FBXW4: variants seen among roughly 807,000 people sequenced by gnomAD.
The protein encoded by FBXW4 is F-box/WD repeat-containing protein 4.
FBXW4 carries 40 observed loss-of-function variants against 61.8 expected under a neutral mutation model. The ratio of observed to expected loss-of-function variants is 0.65; its 90% CI spans 0.50 to 0.84. FBXW4 has a LOEUF of 0.84. FBXW4 is among the 40% of genes least tolerant of loss of function. The pLI is 0.00. For synonymous variants in FBXW4, 311 were observed against 313.8 expected (o/e 0.99, Z 0.10); for missense variants, 672 against 753.8 (o/e 0.89, Z 1.27).
rs1325817990 is a variant in FBXW4, at chr10:101,667,376, C to G, written c.1235+510G>C. 2.0e-5 allele frequency among the ~76,000 whole-genome samples: 3 copies of G among 152,210 alleles called. No homozygotes were observed. In the East Asian group the frequency reaches 5.8e-4, roughly 29 times the overall value. The stretch of plus-strand genomic sequence containing the variant: ...TTTGCTACAATAATCAATGTTACTA[C>G]TTCACATACATGTCTTTGTTTGAGG... On this transcript the variant is annotated intron_variant, in intron 5 of 8. Transcript: ENST00000331272.
Position 101,694,250 on chromosome 10 carries a change from G to T in FBXW4, c.725+131C>A. ...AGAGTGCTCGGGAAAGGGTGTAGGC[G>T]GAGGTCAGGTGTAGGCCTAGAAACT... On this transcript the variant is annotated intron_variant, in intron 1 of 8. Coordinates refer to ENST00000331272, the MANE Select transcript of FBXW4 (RefSeq NM_022039.4). The surrounding 1 kb of genome is among the most constrained non-coding windows in gnomAD (Gnocchi z 6.0). 1 of 836,774 alleles carries T rather than the reference G, an allele frequency of 1.2e-6. No individual in the cohort carries two copies. Among genetic ancestry groups the T allele is most frequent in the Non-Finnish European group, 1.6e-6 (1 of 609,088 alleles). 51.8% of individuals were successfully genotyped at this position (836,774 alleles called of 1,614,324 possible). A position where few individuals can be genotyped will look rare whatever the true frequency, so the allele number is the denominator to read the frequency against.
intron 5 of FBXW4, among the ~76,000 whole-genome samples, chr10:101,636,342 A>G (rs1232544645): frequency 6.6e-6 from 1 of 151,472 alleles, no homozygotes; most frequent in Non-Finnish European, 1.5e-5. Flanking sequence ...TGGGTGAGAG[A>G]GCAAGACTCC....
chr10:101,681,641 C>T (rs962290286), intron 1 of FBXW4, among the ~76,000 whole-genome samples: 1 of 148,644 alleles, frequency 6.7e-6, no homozygotes, highest in Non-Finnish European at 1.5e-5. Flanking sequence ...GGCATGAACC[C>T]GGGAGGCAGC....
Position 101,611,807 on chromosome 10 carries a change from T to C in FBXW4, c.1443-38A>G. 1.9e-6 allele frequency: 3 copies of C among 1,598,422 alleles called. No individual in the cohort carries two copies. The highest frequency in any genetic ancestry group is 2.6e-6 in the Non-Finnish European group (3 of 1,170,288). On this transcript the variant is annotated intron_variant, in intron 7 of 8. Transcript: ENST00000331272. The surrounding 1 kb of genome is among the most constrained non-coding windows in gnomAD (Gnocchi z 4.9). ...AGGAGAAGCAGAGGGAGGTTTAGGG[T>C]ACCCTCCACCTCTACCCCAGCTTTC...
In FBXW4 at chr10:101,611,188, G is replaced by A; in HGVS notation, c.*103C>T. On this transcript the variant is annotated 3_prime_UTR_variant, in exon 9 of 9. Transcript: ENST00000331272. This position sits in a 1 kb window ranked among gnomAD's most constrained non-coding sequence, Gnocchi z 4.9. ...GAGCACTGGGGTCACAGGCCCAGGA[G>A]CACAGTGGGGCAGTGAGGAGGAGCT... The A allele has an allele frequency of 2.1e-6, 3 of 1,457,480 alleles. No individual in the cohort carries two copies. Among genetic ancestry groups the A allele is most frequent in the South Asian group, 1.3e-5 (1 of 75,516 alleles). 90.3% of individuals were successfully genotyped at this position (1,457,480 alleles called of 1,614,324 possible).
intron 2 of FBXW4, among the ~76,000 whole-genome samples, chr10:101,674,159 G>A (rs565521819): frequency 2.0e-5 from 3 of 151,778 alleles, no homozygotes; most frequent in Non-Finnish European, 4.4e-5. Context: ...ATAAAACCCC[G>A]TCTCTACTAA....
rs541927388 is a variant in FBXW4, at chr10:101,636,108, G to A, written c.1236-11298C>T. Among the ~76,000 whole-genome samples the A allele has an allele frequency of 5.3e-5, 8 of 152,198 alleles. No individual in the cohort carries two copies. In the East Asian group the frequency reaches 1.5e-3, roughly 29 times the overall value. On this transcript the variant is annotated intron_variant, in intron 5 of 8. Transcript: ENST00000331272. ...TTCACACCTGTAATCCCAGCATTTTGGGAGGCTGAGGTGGGCGGATCAGTT... is the reference window on the plus strand; with the variant it reads ...TTCACACCTGTAATCCCAGCATTTTAGGAGGCTGAGGTGGGCGGATCAGTT...
intron 4 of FBXW4, among the ~76,000 whole-genome samples, chr10:101,669,811 G>A (rs901343956): frequency 6.6e-6 from 1 of 150,590 alleles, no homozygotes; most frequent in Non-Finnish European, 1.5e-5. Context: ...CTGGAGTGCA[G>A]TGGCGCAATA....
intron 5 of FBXW4, among the ~76,000 whole-genome samples, chr10:101,632,047 G>A (rs1219468798): frequency 4.6e-5 from 7 of 152,164 alleles, no homozygotes; most frequent in Non-Finnish European, 1.0e-4. Flanking sequence ...CCATGGCCCT[G>A]GTACACCTTG....
intron 4 of FBXW4, among the ~76,000 whole-genome samples, chr10:101,669,800 G>A (rs2064341119): frequency 6.6e-6 from 1 of 151,470 alleles, no homozygotes; most frequent in Non-Finnish European, 1.5e-5. Context: ...TGTTGCCCAG[G>A]CTGGAGTGCA....
chr10:101,676,115 C>T (rs2064404947), intron 2 of FBXW4, among the ~76,000 whole-genome samples: 1 of 152,000 alleles, frequency 6.6e-6, no homozygotes, highest in African/African-American at 2.4e-5. Context: ...GCATTGATTT[C>T]TTTATAATCA....
At chr10:101,614,178 G>A (rs1164001793) in intron 6 of FBXW4, among the ~76,000 whole-genome samples, 2 of 152,228 alleles carry the variant, frequency 1.3e-5, no homozygotes, top group Non-Finnish European at 2.9e-5. Context: ...TCCAGATTTG[G>A]GGGCCCTGCC....
At chr10:101,622,342 C>T (rs767034899) in intron 6 of FBXW4, among the ~76,000 whole-genome samples, 21 of 152,142 alleles carry the variant, frequency 1.4e-4, no homozygotes, top group Middle Eastern at 6.8e-3. Flanking sequence ...AGACTTGACA[C>T]CAAAGGCACA....
intron 4 of FBXW4, among the ~76,000 whole-genome samples, chr10:101,668,319 T>C (rs1342639827): frequency 6.6e-6 from 1 of 152,226 alleles, no homozygotes; most frequent in Non-Finnish European, 1.5e-5. Context: ...TTTTGACAGC[T>C]TTCCTGTATT....
intron 1 of FBXW4, among the ~76,000 whole-genome samples, chr10:101,682,152 C>T (rs113293672): frequency 0.016 from 2,470 of 152,240 alleles, 65 homozygotes; most frequent in East Asian, 0.061. Context: ...TAATGTGACT[C>T]TAATAATCAT....
At chr10:101,648,401 C>T (rs2064118681) in intron 5 of FBXW4, among the ~76,000 whole-genome samples, 1 of 152,118 alleles carries the variant, frequency 6.6e-6, no homozygotes, top group Non-Finnish European at 1.5e-5. Flanking sequence ...CACTAAATAC[C>T]AGATGATTTG....
At chr10:101,646,210 A>G (rs1410287031) in intron 5 of FBXW4, among the ~76,000 whole-genome samples, 1 of 152,214 alleles carries the variant, frequency 6.6e-6, no homozygotes. Flanking sequence ...TCCCTATTCT[A>G]TTCTGTAGAC....
At chr10:101,620,601 T>C (rs970877916) in intron 6 of FBXW4, among the ~76,000 whole-genome samples, 1 of 152,248 alleles carries the variant, frequency 6.6e-6, no homozygotes, top group Non-Finnish European at 1.5e-5. Context: ...CTTCTCAGGC[T>C]CCAGGAAGAA....
rs748875807 is a variant in FBXW4 at position 101,612,425 on chromosome 10, G to C, written c.1354C>G (p.Leu452Val). Residue 452 changes from leucine to valine, a missense_variant, in exon 7 of 9, where the codon CTG (leucine) becomes GTG (valine). By Grantham distance (32) the Leu-to-Val change is conservative. Transcript: ENST00000331272. ...AAAGGGGACTCATACATGACATCCA[G>C]CACCCCAGCCCCTGGGGGAAAGTCA... ...GSDFPPGAGVLDVMYESPFTL... is the reference protein window; with the variant it reads ...GSDFPPGAGVVDVMYESPFTL... 3 of 1,597,668 alleles carry C rather than the reference G, an allele frequency of 1.9e-6. No individual in the cohort carries two copies. The highest frequency in any genetic ancestry group is 2.6e-6 in the Non-Finnish European group (3 of 1,171,638).
Sources: gnomAD v4.1 joint callset for allele counts (sites outside exome capture counted in the v4.1 genomes callset) on GRCh38, gnomAD v4.1.1 for gene constraint, Gnocchi (gnomAD v3.1) non-coding constraint, MANE v1.5 for transcripts, NCBI Gene and HGNC (gene_info 2026-07-23, HGNC 2026-07-21) for gene names.